Variants in DNAH3 observed in about 807,000 individuals in gnomAD.
The protein encoded by DNAH3 is axonemal beta dynein heavy chain 3.
DNAH3 carries 332 observed loss-of-function variants against 432.5 expected under a neutral mutation model. The ratio of observed to expected loss-of-function variants is 0.77; its 90% CI spans 0.70 to 0.84. DNAH3 has a LOEUF of 0.84. Ranked by LOEUF, DNAH3 falls within the 40% of genes least tolerant of loss-of-function variation. The pLI, the probability that DNAH3 is intolerant of heterozygous loss-of-function variation, is 0.00. For missense variants in DNAH3, 4,861 were observed against 5,114.0 expected, an observed-to-expected ratio of 0.95 and a Z score of 1.51; for synonymous variants, 1,956 against 1,900.2, an observed-to-expected ratio of 1.03 and a Z score of -0.76.
intron 14 of DNAH3, among the ~76,000 whole-genome samples, chr16:21,107,870 T>C (rs2091983810): frequency 6.6e-6 from 1 of 152,006 alleles, no homozygotes; most frequent in African/African-American, 2.4e-5. Context: ...ATGTTTTTTT[T>C]TTTCTTTTTT....
At chr16:21,143,754 T>A (rs1049389632) in intron 3 of DNAH3, among the ~76,000 whole-genome samples, 1 of 152,086 alleles carries the variant, frequency 6.6e-6, no homozygotes, top group African/African-American at 2.4e-5. Context: ...TAAGAACCAC[T>A]TGGGAAAAAG....
exon 55 of DNAH3, chr16:20,954,962 G>A: frequency 6.2e-7 from 1 of 1,614,192 alleles, no homozygotes; most frequent in Non-Finnish European, 8.5e-7. Context: ...CAACAGGTTG[G>A]CCCGGAGCCC....
At chr16:21,125,041 TG>T in intron 9 of DNAH3, 133 bp downstream of exon 10, 2 of 632,122 alleles carry the variant, frequency 3.2e-6, no homozygotes, top group Non-Finnish European at 5.2e-6. Flanking sequence ...AACAACTGCC[TG>T]ATGTGGGTGG....
intron 22 of DNAH3, 67 bp from the exon 23 acceptor site, chr16:21,069,661 A>G (rs1031422632): frequency 4.5e-6 from 6 of 1,347,156 alleles, no homozygotes; most frequent in Non-Finnish European, 6.2e-6. Context: ...CCATGGAGAG[A>G]GCAAATGGAT....
rs753994739 is a variant in DNAH3, at chr16:21,097,407, C to G, written c.2613G>C (p.Gln871His). The G allele has an allele frequency of 2.5e-6, 4 of 1,614,038 alleles. No homozygotes were observed. The highest frequency in any genetic ancestry group is 3.3e-4 in the Middle Eastern group (2 of 6,044). ...TGAACTCATAGGCTGTCGACCACAG[C>G]TGCTCATAAGGTACTTTGTTCTTCA... Residue 871 changes from glutamine (Q) to histidine (H), a missense_variant, in exon 18 of 62, where the codon CAG becomes CAC. Gln to His is a conservative substitution (Grantham distance 24). Transcript: ENST00000261383.
chr16:20,963,921 G>C (rs1230381484), exon 53 of DNAH3: 8 of 1,614,136 alleles, frequency 5.0e-6, no homozygotes. Flanking sequence ...ACCAAGTCAG[G>C]GAGTACTGGT....
At chr16:20,988,995 C>T (rs867845523) in intron 44 of DNAH3, among the ~76,000 whole-genome samples, 1 of 152,120 alleles carries the variant, frequency 6.6e-6, no homozygotes, top group African/African-American at 2.4e-5. Context: ...CAGACTTTCG[C>T]GGGGAGTGTT....
rs1396635163 is a variant in DNAH3, at chr16:20,988,063, G to A, written c.6604C>T (p.Arg2202Ter). The change falls in exon 45 of 62, where the codon CGA (arginine) becomes TGA (stop). Residue 2202 changes from arginine (R) to a stop codon, truncating the protein, a stop_gained and splice_region_variant. Coordinates refer to ENST00000261383, the Ensembl canonical transcript of DNAH3. LOFTEE classifies it high-confidence loss of function. ...ATGATATTCAGATGGCGAGTGAATCGTCCTGGGGAATACAACACACAAGTG... is the reference window on the plus strand; with the variant it reads ...ATGATATTCAGATGGCGAGTGAATCATCCTGGGGAATACAACACACAAGTG... 4 of 1,613,902 alleles carry A rather than the reference G, an allele frequency of 2.5e-6. No homozygotes were observed. Among genetic ancestry groups the A allele is most frequent in the East Asian group, 2.2e-5 (1 of 44,882 alleles).
At chr16:20,957,970 A>T (rs1331380705) in intron 54 of DNAH3, among the ~76,000 whole-genome samples, 3 of 152,008 alleles carry the variant, frequency 2.0e-5, no homozygotes, top group Non-Finnish European at 4.4e-5. Context: ...CAAAAAACAA[A>T]TAGCTGTTTC....
At chr16:20,984,812 C>A (rs1197873126) in intron 48 of DNAH3, among the ~76,000 whole-genome samples, 4 of 152,082 alleles carry the variant, frequency 2.6e-5, no homozygotes, top group Admixed American at 6.6e-5. Context: ...TTGCAGTGAG[C>A]TGAGATCTCA....
In DNAH3 at chr16:21,141,290, G is replaced by T. The variant is rs763030580; in HGVS notation, c.521+10C>A. The T allele has an allele frequency of 1.9e-6, 3 of 1,577,250 alleles. No individual in the cohort carries two copies. Among genetic ancestry groups the T allele is most frequent in the East Asian group, 2.3e-5 (1 of 43,728 alleles). ...TCCTGCCTTCTCTGGTGCCCACAGT[G>T]ATATCTTACCTAGTGGAATCCTCTT... On this transcript the variant is annotated intron_variant, in intron 4 of 61. Transcript: ENST00000261383.
At chr16:21,025,136 G>T (rs1232904183) in intron 38 of DNAH3, among the ~76,000 whole-genome samples, 1 of 151,902 alleles carries the variant, frequency 6.6e-6, no homozygotes, top group South Asian at 2.1e-4. Flanking sequence ...CTTTAGTAGA[G>T]ACAGGGTTGG....
chr16:21,106,385 C>T, intron 15 of DNAH3, 105 bp downstream of exon 15: 2 of 950,240 alleles, frequency 2.1e-6, no homozygotes, highest in Non-Finnish European at 2.9e-6. Context: ...ACACTTTACC[C>T]CTAAATATAT....
chr16:21,064,975 A>G (rs2090493883), intron 24 of DNAH3, among the ~76,000 whole-genome samples: 1 of 151,652 alleles, frequency 6.6e-6, no homozygotes, highest in East Asian at 1.9e-4. Context: ...CTGGGTATCA[A>G]TTCTAGCTTG....
intron 37 of DNAH3, among the ~76,000 whole-genome samples, chr16:21,027,978 CTTTTTA>C (rs1375768305): frequency 1.3e-5 from 2 of 152,090 alleles, no homozygotes; most frequent in African/African-American, 2.4e-5. Context: ...TCCATAAATT[CTTTTTA>C]TTTTTAATTT....
chr16:21,030,943 CA>C, intron 37 of DNAH3, 101 bp downstream of exon 37: 1 of 1,197,060 alleles, frequency 8.4e-7, no homozygotes, highest in Non-Finnish European at 1.2e-6. Flanking sequence ...AGAATACATA[CA>C]TAATAAATGT....
intron 26 of DNAH3, among the ~76,000 whole-genome samples, chr16:21,058,616 A>T (rs957185256): frequency 2.6e-5 from 4 of 151,864 alleles, no homozygotes; most frequent in African/African-American, 9.7e-5. Context: ...ATGTATATAA[A>T]TTTTTTCATA....
chr16:21,057,884 G>A (rs2090191485), intron 27 of DNAH3, among the ~76,000 whole-genome samples: 1 of 152,176 alleles, frequency 6.6e-6, no homozygotes, highest in Non-Finnish European at 1.5e-5. Context: ...AGGACTATGA[G>A]AGGTCTCGTA....
intron 41 of DNAH3, among the ~76,000 whole-genome samples, chr16:21,006,595 T>C (rs1385802618): frequency 1.3e-5 from 2 of 152,260 alleles, no homozygotes; most frequent in African/African-American, 4.8e-5. Flanking sequence ...ATCTACTTTC[T>C]GTCTCTATAA....
Sources: allele counts gnomAD v4.1 joint callset (sites outside exome capture counted in the v4.1 genomes callset), GRCh38; gene constraint gnomAD v4.1.1; transcripts MANE v1.5; gene names NCBI Gene and HGNC (gene_info 2026-07-23, HGNC 2026-07-21).